Variants in CNTNAP3B observed in about 807,000 individuals in gnomAD.
The protein encoded by CNTNAP3B is contactin associated protein family member 3B.
In CNTNAP3B, 25 loss-of-function variants were observed where a neutral mutation model predicts 108.9. That is an observed-to-expected ratio of 0.23 (90% confidence interval 0.17 to 0.32). CNTNAP3B has a LOEUF of 0.32. Among genes scored for constraint, CNTNAP3B ranks in the 10% least tolerant of loss-of-function variants. CNTNAP3B has a pLI of 1.00. For synonymous variants in CNTNAP3B, 103 were observed against 473.4 expected (o/e 0.22, Z 10.16); for missense variants, 252 against 1,210.4 (o/e 0.21, Z 11.75).
chr9:42,097,469 C>T lies in CNTNAP3B; in HGVS notation c.196+7160G>A, dbSNP rs575733041. Among the ~76,000 whole-genome samples, 5 of 140,120 alleles carry T rather than the reference C, an allele frequency of 3.6e-5. No homozygotes were observed. The South Asian group carries it at 9.2e-4, about 26-fold the overall frequency. The allele number at this position is 140,120 out of a possible 152,430, so 91.9% of individuals were successfully genotyped here. A position where few individuals can be genotyped will look rare whatever the true frequency, so the allele number is the denominator to read the frequency against. On this transcript the variant is annotated intron_variant, in intron 2 of 23. Transcript: ENST00000377561. ...CAGATTGTGAAATTTGTATTTGTTA[C>T]TATCTTTGTTTTTATACCTCAAAGA...
At chr9:41,961,721 G>A (rs1825098081) in intron 11 of CNTNAP3B, among the ~76,000 whole-genome samples, 5 of 152,298 alleles carry the variant, frequency 3.3e-5, no homozygotes, top group South Asian at 2.1e-4. Context: ...TAAGTATTTT[G>A]CAAGTGACAA....
At chr9:41,943,506 C>A (rs897019785) in intron 13 of CNTNAP3B, among the ~76,000 whole-genome samples, 11 of 152,000 alleles carry the variant, frequency 7.2e-5, no homozygotes, top group African/African-American at 2.2e-4. Context: ...GCGCCTGCCA[C>A]CACGCCCAGC....
intron 18 of CNTNAP3B, among the ~76,000 whole-genome samples, chr9:41,916,197 T>C (rs1354137931): frequency 6.7e-6 from 1 of 148,262 alleles, no homozygotes; most frequent in Non-Finnish European, 1.5e-5. Flanking sequence ...TTTGGTGTTA[T>C]TCCTTATTTC....
At chr9:41,997,273 A>G (rs1378609506) in intron 6 of CNTNAP3B, among the ~76,000 whole-genome samples, 1 of 151,914 alleles carries the variant, frequency 6.6e-6, no homozygotes, top group Non-Finnish European at 1.5e-5. Context: ...ATGAAATTTC[A>G]AATGAAATAT....
chr9:41,915,932 A>T (rs1294605215), intron 18 of CNTNAP3B, among the ~76,000 whole-genome samples: 1 of 151,476 alleles, frequency 6.6e-6, no homozygotes, highest in Non-Finnish European at 1.5e-5. Context: ...ATATCTTATC[A>T]ATAATCTGCT....
chr9:41,945,466 G>A (rs1198886321), intron 13 of CNTNAP3B, among the ~76,000 whole-genome samples: 1 of 152,310 alleles, frequency 6.6e-6, no homozygotes, highest in African/African-American at 2.4e-5. Flanking sequence ...GTCCTTTGTA[G>A]GGCCATGGAT....
intron 3 of CNTNAP3B, among the ~76,000 whole-genome samples, chr9:42,064,519 T>C (rs1587241650): frequency 8.8e-6 from 1 of 113,664 alleles, no homozygotes. Context: ...CCTTGGTATA[T>C]TGTGTAATGC....
At chr9:42,042,439 A>T (rs1826780048) in intron 3 of CNTNAP3B, among the ~76,000 whole-genome samples, 2 of 141,594 alleles carry the variant, frequency 1.4e-5, no homozygotes, top group Admixed American at 7.1e-5. Context: ...GCAGCCCTCC[A>T]TATCCATGGG....
intron 2 of CNTNAP3B, among the ~76,000 whole-genome samples, chr9:42,083,213 TAGATAA>T (rs1827638560): frequency 1.1e-5 from 1 of 93,962 alleles, no homozygotes; most frequent in African/African-American, 4.9e-5. Flanking sequence ...CTGAATGAAA[TAGATAA>T]ATCCACAATG....
chr9:41,981,855 C>A (rs1825633845), intron 9 of CNTNAP3B, among the ~76,000 whole-genome samples: 1 of 54,158 alleles, frequency 1.8e-5, no homozygotes, highest in Non-Finnish European at 3.7e-5. Context: ...GAGTTTGAGA[C>A]AAGCCTGGGC....
At position 42,062,703 on chromosome 9, in the gene CNTNAP3B, TA is replaced by T. The variant is rs1221698776; in HGVS notation, c.390+14165del. Among the ~76,000 whole-genome samples, 3 of 103,622 alleles carry T rather than the reference TA, an allele frequency of 2.9e-5. 1 individual carries two copies. Among genetic ancestry groups the T allele is most frequent in the Non-Finnish European group, 2.0e-5 (1 of 49,022 alleles). 68.0% of individuals were successfully genotyped at this position (103,622 alleles called of 152,430 possible). A position where few individuals can be genotyped will look rare whatever the true frequency, so the allele number is the denominator to read the frequency against. ...CTACAGCCATTTAGTTCATTCTTTC[TA>T]GCTTTGTTTTCCTTTGTTCCTTCCT... On this transcript the variant is annotated intron_variant, in intron 3 of 23. Coordinates refer to ENST00000377561, the MANE Select transcript of CNTNAP3B (RefSeq NM_001201380.3).
At chr9:41,933,389 C>T (rs1411065993) in intron 14 of CNTNAP3B, among the ~76,000 whole-genome samples, 2 of 152,314 alleles carry the variant, frequency 1.3e-5, no homozygotes, top group South Asian at 2.1e-4. Flanking sequence ...AGAACTACTG[C>T]TTTAAGATAC....
intron 8 of CNTNAP3B, among the ~76,000 whole-genome samples, chr9:41,990,966 C>T (rs1408582335): frequency 3.7e-5 from 5 of 135,894 alleles, no homozygotes; most frequent in Non-Finnish European, 3.1e-5. Context: ...ATCAGACTTC[C>T]TATTGTTCTC....
intron 3 of CNTNAP3B, among the ~76,000 whole-genome samples, chr9:42,071,893 G>A (rs542379077): frequency 1.3e-5 from 2 of 151,160 alleles, no homozygotes; most frequent in Non-Finnish European, 2.9e-5. Flanking sequence ...TTTACTGAGA[G>A]GTGGAAGCCC....
chr9:42,067,925 G>A (rs901479612), intron 3 of CNTNAP3B, among the ~76,000 whole-genome samples: 1 of 130,486 alleles, frequency 7.7e-6, no homozygotes, highest in African/African-American at 3.1e-5. Flanking sequence ...ATTCACTTTT[G>A]TTTAAGTAAA....
rs775151439 is a variant in CNTNAP3B at position 42,117,965 on chromosome 9, G to T, written c.85+11045C>A. Among the ~76,000 whole-genome samples the T allele has an allele frequency of 2.9e-5, 4 of 136,810 alleles. 1 individual carries two copies. Among genetic ancestry groups the T allele is most frequent in the Non-Finnish European group, 6.2e-5 (4 of 64,168 alleles). 89.8% of individuals were successfully genotyped at this position (136,810 alleles called of 152,430 possible). ...TTCCTCGACACATACATCCTCCCAA[G>T]ACTAAACCAGGAAAAAGTTGAATCT... On this transcript the variant is annotated intron_variant, in intron 1 of 23. Transcript: ENST00000377561.
chr9:41,935,830 T>A (rs1824140243), intron 14 of CNTNAP3B, among the ~76,000 whole-genome samples: 1 of 152,292 alleles, frequency 6.6e-6, no homozygotes, highest in African/African-American at 2.4e-5. Flanking sequence ...TTTTTCCAAA[T>A]GAAAGCCCAG....
At chr9:42,035,679 A>T (rs1228591545) in intron 3 of CNTNAP3B, among the ~76,000 whole-genome samples, 7 of 151,046 alleles carry the variant, frequency 4.6e-5, no homozygotes, top group African/African-American at 1.7e-4. Context: ...TGTTTTAGAG[A>T]CAGGGTTTCA....
chr9:41,947,654 C>G (rs1210969806), intron 13 of CNTNAP3B, among the ~76,000 whole-genome samples: 4 of 151,788 alleles, frequency 2.6e-5, no homozygotes, highest in African/African-American at 9.7e-5. Context: ...TTAACTCATA[C>G]AAGCTGAAGG....
Sources: allele counts gnomAD v4.1 joint callset (sites outside exome capture counted in the v4.1 genomes callset), GRCh38; gene constraint gnomAD v4.1.1; transcripts MANE v1.5; gene names NCBI Gene and HGNC (gene_info 2026-07-23, HGNC 2026-07-21).